Variants in ADAMTS16 observed in about 807,000 individuals in gnomAD.
ADAMTS16 encodes the protein A disintegrin and metalloproteinase with thrombospondin motifs 16.
ADAMTS16 carries 94 observed loss-of-function variants against 145.8 expected under a neutral mutation model. The ratio of observed to expected loss-of-function variants is 0.64; its 90% CI spans 0.55 to 0.77. ADAMTS16 has a LOEUF of 0.77. Among genes scored for constraint, ADAMTS16 ranks in the 30% least tolerant of loss-of-function variants. The pLI, the probability that ADAMTS16 is intolerant of heterozygous loss-of-function variation, is 0.00. For synonymous variants in ADAMTS16, 659 were observed against 604.3 expected (o/e 1.09, Z -1.33); for missense variants, 1,585 against 1,591.5 (o/e 1.00, Z 0.07).
chr5:5,178,014 G>T (rs1735245407), intron 3 of ADAMTS16, among the ~76,000 whole-genome samples: 1 of 152,220 alleles, frequency 6.6e-6, no homozygotes, highest in Non-Finnish European at 1.5e-5. Context: ...ACTTTAATGA[G>T]CAGTTTCTAT....
At chr5:5,288,346 T>A (rs889900984) in intron 18 of ADAMTS16, among the ~76,000 whole-genome samples, 3 of 152,180 alleles carry the variant, frequency 2.0e-5, no homozygotes, top group Non-Finnish European at 4.4e-5. Flanking sequence ...AATGTTTAAA[T>A]TCATGTTAGA....
intron 18 of ADAMTS16, among the ~76,000 whole-genome samples, chr5:5,271,234 AG>A (rs1738461682): frequency 6.6e-6 from 1 of 152,200 alleles, no homozygotes; most frequent in South Asian, 2.1e-4. Context: ...AAATCTCTGC[AG>A]GGGGCAGGGT....
chr5:5,281,288 T>C (rs1203735418), intron 18 of ADAMTS16, among the ~76,000 whole-genome samples: 1 of 152,236 alleles, frequency 6.6e-6, no homozygotes, highest in East Asian at 1.9e-4. Context: ...AGATAATAGA[T>C]AATAGCGCTT....
At chr5:5,168,483 A>T (rs1734944234) in intron 3 of ADAMTS16, among the ~76,000 whole-genome samples, 1 of 143,818 alleles carries the variant, frequency 7.0e-6, no homozygotes, top group East Asian at 2.0e-4. Context: ...ACTTTTAATT[A>T]AAAAAAAGCA....
In ADAMTS16 at chr5:5,287,650, C is replaced by T. The variant is rs73041117; in HGVS notation, c.2790-15618C>T. Among the ~76,000 whole-genome samples, 1,189 of 152,274 alleles carry T rather than the reference C, an allele frequency of 7.8e-3. 17 individuals are homozygous for T. Among genetic ancestry groups the T allele is most frequent in the African/African-American group, 0.026 (1,084 of 41,540 alleles). ...AGAGTAAAGAATGTCCCTGAGGCTC[C>T]GGGCGGGATATTGATGTTGATTTCA... On this transcript the variant is annotated intron_variant, in intron 18 of 22. Transcript: ENST00000274181.
chr5:5,191,828 T>G (rs1293295337), intron 8 of ADAMTS16, 38 bp downstream of exon 8: 2 of 1,471,598 alleles, frequency 1.4e-6, no homozygotes. Flanking sequence ...ATCCCGAGTT[T>G]TTTCCTTACT....
At chr5:5,271,045 G>T (rs1254134556) in intron 18 of ADAMTS16, among the ~76,000 whole-genome samples, 1 of 152,216 alleles carries the variant, frequency 6.6e-6, no homozygotes, top group Non-Finnish European at 1.5e-5. Context: ...GTTCCACAAG[G>T]ATTGAGGGGT....
intron 18 of ADAMTS16, among the ~76,000 whole-genome samples, chr5:5,295,908 C>A (rs368639817): frequency 2.0e-5 from 3 of 152,230 alleles, no homozygotes; most frequent in African/African-American, 7.2e-5. Context: ...GTTATCAGTA[C>A]ATCCATTACA....
chr5:5,286,795 T>C (rs1739119920), intron 18 of ADAMTS16, among the ~76,000 whole-genome samples: 2 of 148,560 alleles, frequency 1.3e-5, no homozygotes, highest in African/African-American at 5.1e-5. Flanking sequence ...GAGGTGGAGT[T>C]TGCAGTGAGC....
In ADAMTS16 at chr5:5,303,350, G is replaced by T. The variant is rs1306314159; in HGVS notation, c.2872G>T (p.Val958Leu). 1.9e-6 allele frequency: 3 copies of T among 1,605,044 alleles called. No homozygotes were observed. The highest frequency in any genetic ancestry group is 4.5e-5 in the East Asian group (2 of 44,546). Reference protein sequence around the residue: ...QSRPVQCTRRVHYDSEPVPAS... With the variant: ...QSRPVQCTRRLHYDSEPVPAS... ...CCGCCCCGTGCAGTGCACACGGCGG[G>T]TGCACTATGACTCGGAGCCAGTCCC... Residue 958 changes from valine (V) to leucine (L), a missense_variant, in exon 19 of 23, where the codon GTG becomes TTG. By Grantham distance (32) the Val-to-Leu change is conservative (BLOSUM62 1). Coordinates refer to ENST00000274181, the MANE Select transcript of ADAMTS16 (RefSeq NM_139056.4).
At chr5:5,241,133 A>G (rs527702904) in intron 16 of ADAMTS16, among the ~76,000 whole-genome samples, 31 of 149,374 alleles carry the variant, frequency 2.1e-4, no homozygotes, top group Non-Finnish European at 3.6e-4. Context: ...AGGGTGGAGC[A>G]TGGGGCCAGG....
chr5:5,312,415 TTCTC>T (rs796707457), intron 21 of ADAMTS16, among the ~76,000 whole-genome samples: 8 of 151,898 alleles, frequency 5.3e-5, no homozygotes, highest in African/African-American at 1.9e-4. Flanking sequence ...TCTTGTCATT[TTCTC>T]TCTTTTTTTG....
intron 10 of ADAMTS16, among the ~76,000 whole-genome samples, chr5:5,210,609 C>T (rs1278418888): frequency 6.6e-6 from 1 of 152,104 alleles, no homozygotes; most frequent in Admixed American, 6.6e-5. Flanking sequence ...ATGTTGCCTG[C>T]TCTTGAATGT....
chr5:5,268,922 C>A (rs1738361696), intron 18 of ADAMTS16, among the ~76,000 whole-genome samples: 1 of 152,128 alleles, frequency 6.6e-6, no homozygotes, highest in East Asian at 1.9e-4. Flanking sequence ...ACTGCGCTCC[C>A]CGACCCCACA....
chr5:5,298,739 A>G (rs925324464), intron 18 of ADAMTS16, among the ~76,000 whole-genome samples: 1 of 152,252 alleles, frequency 6.6e-6, no homozygotes, highest in African/African-American at 2.4e-5. Context: ...TATACATGTG[A>G]AGATGCTGCT....
At chr5:5,169,312 C>T (rs1012650200) in intron 3 of ADAMTS16, among the ~76,000 whole-genome samples, 10 of 152,212 alleles carry the variant, frequency 6.6e-5, no homozygotes, top group East Asian at 1.9e-4. Context: ...TTAGCTGCTA[C>T]GAATTCTCAC....
At chr5:5,254,536 C>T (rs150301336) in intron 17 of ADAMTS16, among the ~76,000 whole-genome samples, 1 of 152,136 alleles carries the variant, frequency 6.6e-6, no homozygotes, top group East Asian at 1.9e-4. Flanking sequence ...CAAACTCATA[C>T]AAATATTCAG....
chr5:5,209,559 AT>A (rs946229271), intron 10 of ADAMTS16, among the ~76,000 whole-genome samples: 7 of 152,086 alleles, frequency 4.6e-5, no homozygotes, highest in Non-Finnish European at 7.4e-5. Flanking sequence ...AATACTCTGC[AT>A]TTTTTTAAAT....
chr5:5,240,582 G>A (rs1317438716), intron 16 of ADAMTS16, among the ~76,000 whole-genome samples: 1 of 152,204 alleles, frequency 6.6e-6, no homozygotes, highest in South Asian at 2.1e-4. Flanking sequence ...GTTGAAAGAA[G>A]GTTCTTGGTT....
Sources: gnomAD v4.1 joint callset for allele counts (sites outside exome capture counted in the v4.1 genomes callset) on GRCh38, gnomAD v4.1.1 for gene constraint, MANE v1.5 for transcripts, NCBI Gene and HGNC (gene_info 2026-07-23, HGNC 2026-07-21) for gene names.